KIF15: variants seen among roughly 807,000 people sequenced by gnomAD.
The protein encoded by KIF15 is kinesin family member 15, also known as kinesin-like protein KIF15.
Under a neutral mutation model 190.6 loss-of-function variants are expected in KIF15, and 140 were observed. That is an observed-to-expected ratio of 0.73 (90% CI 0.64 to 0.84). The LOEUF is 0.84. Ranked by LOEUF, KIF15 falls within the 40% of genes least tolerant of loss-of-function variation. The probability of loss-of-function intolerance (pLI) is 0.00; values close to 1 mark genes in which losing one functional copy is unlikely to be tolerated. For synonymous variants in KIF15, 528 were observed against 551.3 expected, an observed-to-expected ratio of 0.96 and a Z score of 0.59; for missense variants, 1,372 against 1,584.4, an observed-to-expected ratio of 0.87 and a Z score of 2.28.
chr3:44,794,523 G>GT (rs1196939765), intron 8 of KIF15, 97 bp downstream of exon 8: 1 of 882,556 alleles, frequency 1.1e-6, no homozygotes, highest in Non-Finnish European at 1.7e-6. Context: ...ATGAGGAACT[G>GT]CATTTATGAT....
At chr3:44,866,663 C>T (rs1485232078) in intron 6 of KIF15, among the ~76,000 whole-genome samples, 2 of 152,228 alleles carry the variant, frequency 1.3e-5, no homozygotes, top group Non-Finnish European at 2.9e-5. Context: ...TCATTGCTCT[C>T]CTCCCTTACT....
At chr3:44,854,927 C>G (rs1020797767), downstream of KIF15, among the ~76,000 whole-genome samples, 1 of 152,126 alleles carries the variant, frequency 6.6e-6, no homozygotes, top group Admixed American at 6.5e-5. Flanking sequence ...ACCCTATTTC[C>G]AAATAAAGTC....
intron 30 of KIF15, among the ~76,000 whole-genome samples, chr3:44,844,154 A>G (rs1432712915): frequency 2.7e-5 from 4 of 146,690 alleles, no homozygotes; most frequent in Non-Finnish European, 4.4e-5. Flanking sequence ...TCTTTGACAG[A>G]GAAGCTTGTG....
At position 44,840,442 on chromosome 3, in the gene KIF15, G is replaced by C. The variant is rs764545035; in HGVS notation, c.3406G>C (p.Ala1136Pro). Residue 1136 changes from alanine (A) to proline (P), a missense_variant, in exon 28 of 35, where the codon GCT (alanine) becomes CCT (proline). Ala to Pro is a conservative substitution (Grantham distance 27, BLOSUM62 -1). Transcript: ENST00000326047. ...RQLEHVMDSA[A>P]EDPQSPKTPP... Reference sequence around the variant, plus strand: ...ACTAGAACATGTGATGGATTCTGCTGCTGAGGATCCCCAGGTACTTTTCAG... The same window carrying C: ...ACTAGAACATGTGATGGATTCTGCTCCTGAGGATCCCCAGGTACTTTTCAG... 5.0e-6 allele frequency: 8 copies of C among 1,596,710 alleles called. No individual in the cohort carries two copies. Among genetic ancestry groups the C allele is most frequent in the Non-Finnish European group, 6.9e-6 (8 of 1,166,972 alleles).
In KIF15 at chr3:44,802,946, G is replaced by T; in HGVS notation, c.1642G>T (p.Glu548Ter). ...GGATGCCCAGACCATTGCAAAACTA[G>T]AAAAAGCTTTCTCTGAAATAAGTGG... ...EMDAQTIAKL[E>*]KAFSEISGME... Residue 548 changes from glutamate (E) to a stop codon, truncating the protein, a stop_gained, in exon 14 of 35, where the codon GAA becomes TAA. Transcript: ENST00000326047. LOFTEE classifies it high-confidence loss of function. 1 of 1,603,624 alleles carries T rather than the reference G, an allele frequency of 6.2e-7. No homozygotes were observed. The highest frequency in any genetic ancestry group is 8.5e-7 in the Non-Finnish European group (1 of 1,177,602).
downstream of KIF15, among the ~76,000 whole-genome samples, chr3:44,855,420 C>G (rs1699178827): frequency 6.6e-6 from 1 of 152,188 alleles, no homozygotes; most frequent in Non-Finnish European, 1.5e-5. Flanking sequence ...CTCAGGCCAT[C>G]TGGATATATA....
In KIF15 at chr3:44,851,963, G is replaced by A. The variant is rs769941537; in HGVS notation, c.3972+11G>A. 58 of 1,607,302 alleles carry A rather than the reference G, an allele frequency of 3.6e-5. No homozygotes were observed. In the East Asian group the frequency reaches 1.3e-3, roughly 35 times the overall value. On this transcript the variant is annotated intron_variant, in intron 33 of 34. Transcript: ENST00000326047. ...GAGAGAACATCCCAGGTGTGCTAGT[G>A]TGTTGGTGTTTTCATGATACTTAGA...
intron 32 of KIF15, 25 bp from the exon 33 acceptor site, chr3:44,851,762 A>G (rs993307130): frequency 3.8e-6 from 6 of 1,578,996 alleles, no homozygotes; most frequent in East Asian, 4.5e-5. Context: ...TTCAAATACT[A>G]TAAAGTGATA....
downstream of KIF15, among the ~76,000 whole-genome samples, chr3:44,856,272 C>G (rs1360435965): frequency 6.6e-6 from 1 of 152,108 alleles, no homozygotes; most frequent in Non-Finnish European, 1.5e-5. Context: ...ATTTGCCAGT[C>G]CTGGGCAGGG....
At position 44,801,880 on chromosome 3, in the gene KIF15, A is replaced by G; in HGVS notation, c.1415A>G (p.Lys472Arg). 1 of 1,613,508 alleles carries G rather than the reference A, an allele frequency of 6.2e-7. No homozygotes were observed. The highest frequency in any genetic ancestry group is 8.5e-7 in the Non-Finnish European group (1 of 1,179,500). The part of the protein sequence containing the change: ...FREDQIIRLE[K>R]LHKESRGGFL... ...GAGGATCAAATAATACGCTTGGAAA[A>G]GCTCCACAAGGAATCCCGGGGAGGT... Residue 472 changes from lysine to arginine, a missense_variant, in exon 13 of 35, where the codon AAG (lysine) becomes AGG (arginine). Transcript: ENST00000326047.
At chr3:44,828,382 G>A in intron 24 of KIF15, 82 bp downstream of exon 24, 1 of 919,520 alleles carries the variant, frequency 1.1e-6, no homozygotes, top group Non-Finnish European at 1.8e-6. Context: ...ACCTCTTCTT[G>A]CACCTCCAGG....
At chr3:44,792,944 A>G (rs1706788998) in intron 7 of KIF15, among the ~76,000 whole-genome samples, 1 of 152,148 alleles carries the variant, frequency 6.6e-6, no homozygotes, top group African/African-American at 2.4e-5. Flanking sequence ...TGAGATAAAG[A>G]CACTAATTTC....
chr3:44,768,381 C>T (rs1422066655), intron 1 of KIF15, among the ~76,000 whole-genome samples: 5 of 151,898 alleles, frequency 3.3e-5, no homozygotes, highest in Admixed American at 2.0e-4. Flanking sequence ...AAATCAGGCA[C>T]GCGGACACAT....
intron 7 of KIF15, among the ~76,000 whole-genome samples, chr3:44,790,753 C>T (rs1373679684): frequency 3.6e-5 from 5 of 137,674 alleles, no homozygotes; most frequent in Non-Finnish European, 7.6e-5. Context: ...AGTGCAGTGG[C>T]ATGATCTCGG....
intron 18 of KIF15, 30 bp from the exon 19 acceptor site, chr3:44,813,045 T>C: frequency 1.5e-6 from 2 of 1,369,952 alleles, no homozygotes; most frequent in Non-Finnish European, 2.0e-6. Context: ...CAGTATTCCT[T>C]TTCCAGTAAA....
downstream of KIF15, among the ~76,000 whole-genome samples, chr3:44,853,478 T>G (rs79214619): frequency 2.5e-3 from 387 of 152,348 alleles, 1 homozygote; most frequent in Non-Finnish European, 3.9e-3. Flanking sequence ...TTGTTTCCAG[T>G]TTAGGACTAT....
At chr3:44,776,182 T>G (rs1705881776) in intron 3 of KIF15, among the ~76,000 whole-genome samples, 1 of 152,090 alleles carries the variant, frequency 6.6e-6, no homozygotes, top group South Asian at 2.1e-4. Context: ...AAATTTAATC[T>G]TATTAAATAG....
At chr3:44,779,377 T>C (rs1356195432) in intron 4 of KIF15, among the ~76,000 whole-genome samples, 1 of 152,198 alleles carries the variant, frequency 6.6e-6, no homozygotes, top group African/African-American at 2.4e-5. Context: ...TTTGTTGCTA[T>C]TGGAATGCCA....
intron 26 of KIF15, among the ~76,000 whole-genome samples, chr3:44,833,720 G>A (rs1475987531): frequency 1.3e-5 from 2 of 152,180 alleles, no homozygotes; most frequent in African/African-American, 4.8e-5. Flanking sequence ...TGGCCTAGGG[G>A]CTGGGGGCCG....
Sources: gnomAD v4.1 joint callset for allele counts (sites outside exome capture counted in the v4.1 genomes callset) on GRCh38, gnomAD v4.1.1 for gene constraint, MANE v1.5 for transcripts, NCBI Gene and HGNC (gene_info 2026-07-23, HGNC 2026-07-21) for gene names.